The following RALGAPA1 variants were observed in gnomAD, a reference collection of about 807,000 sequenced individuals.
RALGAPA1 encodes the protein Ral GTPase activating protein catalytic subunit alpha 1.
A neutral mutation model predicts 269.6 loss-of-function variants in RALGAPA1; 52 were observed. The ratio of observed to expected loss-of-function variants is 0.19; its 90% confidence interval spans 0.15 to 0.24. The LOEUF is 0.24. Ranked by LOEUF, RALGAPA1 falls within the 10% of genes least tolerant of loss-of-function variation. RALGAPA1 has a pLI of 1.00. For synonymous variants in RALGAPA1, 817 were observed against 1,008.3 expected, an observed-to-expected ratio of 0.81 and a Z score of 3.60; for missense variants, 1,917 against 3,013.9, an observed-to-expected ratio of 0.64 and a Z score of 8.52.
intron 1 of RALGAPA1, among the ~76,000 whole-genome samples, 200 bp downstream of exon 1, chr14:35,808,530 T>G (rs997581092): frequency 1.3e-5 from 2 of 152,208 alleles, no homozygotes; most frequent in African/African-American, 4.8e-5. Flanking sequence ...CAAAATTAGA[T>G]TACTGTGTTA....
In RALGAPA1 at chr14:35,773,232, A is replaced by G. The variant is rs1490771191; in HGVS notation, c.267+1774T>C. 2.6e-5 allele frequency among the ~76,000 whole-genome samples: 4 copies of G among 152,150 alleles called. No individual in the cohort carries two copies. In the East Asian group the frequency reaches 7.7e-4, roughly 29 times the overall value. On this transcript the variant is annotated intron_variant, in intron 3 of 41. Transcript: ENST00000680220. ...AAACTGCACAGAATATAAAACCTCT[A>G]CCATATTATTAGTAACAACACATAA...
At chr14:35,544,194 C>A (rs2054261939) in intron 41 of RALGAPA1, among the ~76,000 whole-genome samples, 1 of 151,980 alleles carries the variant, frequency 6.6e-6, no homozygotes, top group South Asian at 2.1e-4. Flanking sequence ...CCCCTGGCAA[C>A]CTTAAAGATA....
At chr14:35,606,498 A>C (rs1400423948) in intron 35 of RALGAPA1, among the ~76,000 whole-genome samples, 1 of 152,222 alleles carries the variant, frequency 6.6e-6, no homozygotes, top group African/African-American at 2.4e-5. Flanking sequence ...TGTTGATGAA[A>C]GCATAGTTAT....
chr14:35,757,441 T>C (rs1225379931), intron 6 of RALGAPA1, among the ~76,000 whole-genome samples: 1 of 152,062 alleles, frequency 6.6e-6, no homozygotes, highest in Non-Finnish European at 1.5e-5. Context: ...CAATCAGCTG[T>C]TCTGTGAACC....
intron 37 of RALGAPA1, among the ~76,000 whole-genome samples, chr14:35,586,183 G>A (rs1224398778): frequency 6.6e-6 from 1 of 152,136 alleles, no homozygotes; most frequent in African/African-American, 2.4e-5. Context: ...TTGTAAGTTG[G>A]ATTCCTAAGG....
Position 35,635,506 on chromosome 14 carries a change from T to A in RALGAPA1, c.5769A>T (p.Glu1923Asp). 6.2e-7 allele frequency: 1 copy of A among 1,607,754 alleles called. No homozygotes were observed. The highest frequency in any genetic ancestry group is 8.5e-7 in the Non-Finnish European group (1 of 1,177,392). Residue 1923 changes from glutamate (E) to aspartate (D), a missense_variant, in exon 32 of 42, where the codon GAA becomes GAT. Glu to Asp is a conservative substitution (Grantham distance 45, BLOSUM62 2). Transcript: ENST00000680220. Reference protein sequence around the residue: ...LLQPFHATGAESDKTEKSVLN... With the variant: ...LLQPFHATGADSDKTEKSVLN... ...GAACAGATTTTTCTGTTTTATCGCT[T>A]TCTGCTCCCGTAGCATGAAATGGTT...
At chr14:35,695,103 C>T (rs1007185760) in intron 17 of RALGAPA1, among the ~76,000 whole-genome samples, 1 of 151,398 alleles carries the variant, frequency 6.6e-6, no homozygotes, top group African/African-American at 2.4e-5. Flanking sequence ...TAAATTATTC[C>T]AGGAAAAAAA....
At position 35,775,567 on chromosome 14, in the gene RALGAPA1, CT is replaced by C. The variant is rs1407908091; in HGVS notation, c.217+67del. 4 of 1,500,844 alleles carry C rather than the reference CT, an allele frequency of 2.7e-6. No homozygotes were observed. The African/African-American group carries it at 5.9e-5, about 22-fold the overall frequency. The allele number at this position is 1,500,844 out of a possible 1,614,324, so 93.0% of individuals were successfully genotyped here. On this transcript the variant is annotated intron_variant, in intron 2 of 41. Transcript: ENST00000680220. The stretch of plus-strand genomic sequence containing the variant: ...TAAGTGAAACAATATGTCCAACAGC[CT>C]TTAAGTTATGTTTATGACAATTATT...
At chr14:35,718,151 T>C (rs1189198154) in intron 16 of RALGAPA1, among the ~76,000 whole-genome samples, 1 of 152,180 alleles carries the variant, frequency 6.6e-6, no homozygotes, top group East Asian at 1.9e-4. Flanking sequence ...CTTCATACCT[T>C]TACTAACTCC....
chr14:35,709,862 C>T (rs961654834), intron 16 of RALGAPA1, among the ~76,000 whole-genome samples: 1 of 152,044 alleles, frequency 6.6e-6, no homozygotes, highest in African/African-American at 2.4e-5. Flanking sequence ...TTTTTTCCAT[C>T]GATTTATAGT....
intron 1 of RALGAPA1, among the ~76,000 whole-genome samples, chr14:35,795,313 A>G (rs557384267): frequency 1.3e-5 from 2 of 152,282 alleles, no homozygotes; most frequent in South Asian, 4.2e-4. Context: ...CACACGACAC[A>G]GCACCAAGAA....
rs376806368 is a variant in RALGAPA1 at position 35,736,026 on chromosome 14, C to A, written c.1587+2487G>T. The stretch of plus-strand genomic sequence containing the variant: ...AATCTGACTTACATTTTACAGGATC[C>A]CTCTGGCCAGAGCAGAGTGACAGGT... On this transcript the variant is annotated intron_variant, in intron 12 of 41. Coordinates refer to ENST00000680220, the MANE Select transcript of RALGAPA1 (RefSeq NM_001346249.2). 2.2e-4 allele frequency among the ~76,000 whole-genome samples: 33 copies of A among 152,164 alleles called. 1 individual carries two copies. In the East Asian group the frequency reaches 5.4e-3, roughly 25 times the overall value.
intron 16 of RALGAPA1, among the ~76,000 whole-genome samples, chr14:35,710,117 A>T (rs1246385755): frequency 1.3e-5 from 2 of 152,208 alleles, no homozygotes; most frequent in Non-Finnish European, 2.9e-5. Context: ...TCAATTACTG[A>T]TAGAAAGATG....
intron 33 of RALGAPA1, among the ~76,000 whole-genome samples, chr14:35,634,013 CA>C (rs2061512498): frequency 6.6e-6 from 1 of 151,946 alleles, no homozygotes; most frequent in Non-Finnish European, 1.5e-5. Flanking sequence ...TTGCATTTTA[CA>C]AATAAGAAAA....
At chr14:35,778,297 T>C (rs1001434884) in intron 1 of RALGAPA1, among the ~76,000 whole-genome samples, 2 of 152,186 alleles carry the variant, frequency 1.3e-5, no homozygotes, top group African/African-American at 2.4e-5. Context: ...GCAATCCTCC[T>C]ACCTTGGTCT....
At chr14:35,783,329 A>G (rs2075580305) in intron 1 of RALGAPA1, among the ~76,000 whole-genome samples, 1 of 152,218 alleles carries the variant, frequency 6.6e-6, no homozygotes, top group Non-Finnish European at 1.5e-5. Flanking sequence ...AGTATTTTTA[A>G]CAAATGGTTG....
intron 16 of RALGAPA1, among the ~76,000 whole-genome samples, chr14:35,715,502 G>C (rs1190929388): frequency 6.6e-6 from 1 of 151,502 alleles, no homozygotes; most frequent in East Asian, 1.9e-4. Context: ...CCAATATTAG[G>C]GATTAAAATC....
At chr14:35,723,380 CT>C (rs939642239) in intron 14 of RALGAPA1, 116 bp from the exon 15 acceptor site, 7 of 594,652 alleles carry the variant, frequency 1.2e-5, no homozygotes, top group East Asian at 8.5e-5. Flanking sequence ...AAATCGCATG[CT>C]TTTTTTAATA....
chr14:35,767,372 T>C (rs535799710), intron 4 of RALGAPA1, among the ~76,000 whole-genome samples: 69 of 152,208 alleles, frequency 4.5e-4, no homozygotes, highest in Non-Finnish European at 8.7e-4. Flanking sequence ...CAGATTAATA[T>C]TCTATGGTTA....
Sources: allele counts gnomAD v4.1 joint callset (sites outside exome capture counted in the v4.1 genomes callset), GRCh38; gene constraint gnomAD v4.1.1; transcripts MANE v1.5; gene names NCBI Gene and HGNC (gene_info 2026-07-23, HGNC 2026-07-21).